HPSE2: variants seen among roughly 807,000 people sequenced by gnomAD.
The protein encoded by HPSE2 is heparanase 2 (inactive).
A neutral mutation model predicts 60.5 loss-of-function variants in HPSE2; 38 were observed. The observed-to-expected ratio is 0.63, with a 90% CI of 0.48 to 0.82. HPSE2 has a LOEUF of 0.82. HPSE2 is among the 40% of genes least tolerant of loss of function. HPSE2 has a pLI of 0.00. For synonymous variants in HPSE2, 295 were observed against 293.2 expected (o/e 1.01, Z -0.06); for missense variants, 713 against 740.4 (o/e 0.96, Z 0.43).
intron 2 of HPSE2, among the ~76,000 whole-genome samples, chr10:99,211,168 G>T (rs780174587): frequency 6.6e-6 from 1 of 151,412 alleles, no homozygotes; most frequent in Non-Finnish European, 1.5e-5. Context: ...ATTTATAATA[G>T]CTTTTACAAA....
chr10:98,630,004 A>G (rs769978564), intron 7 of HPSE2, among the ~76,000 whole-genome samples: 3 of 152,062 alleles, frequency 2.0e-5, no homozygotes, highest in Admixed American at 6.6e-5. Context: ...GACACGATAA[A>G]ATAAAGTTGA....
intron 2 of HPSE2, among the ~76,000 whole-genome samples, chr10:99,213,130 C>G (rs1417067670): frequency 6.6e-6 from 1 of 151,898 alleles, no homozygotes. Flanking sequence ...TCATTATACT[C>G]GAACTAAAAG....
intron 11 of HPSE2, among the ~76,000 whole-genome samples, chr10:98,479,414 TGAA>T (rs1941147503): frequency 6.6e-6 from 1 of 152,212 alleles, no homozygotes; most frequent in African/African-American, 2.4e-5. Flanking sequence ...CACCAAAGGC[TGAA>T]ATCACTTCCT....
chr10:98,645,986 AAAAC>A (rs1005804252), intron 6 of HPSE2, among the ~76,000 whole-genome samples: 6 of 152,294 alleles, frequency 3.9e-5, no homozygotes, highest in East Asian at 1.9e-4. Flanking sequence ...AAACAAAACA[AAAAC>A]AAACAAACAA....
chr10:98,897,153 G>T (rs1369622315), intron 3 of HPSE2, among the ~76,000 whole-genome samples: 1 of 152,058 alleles, frequency 6.6e-6, no homozygotes, highest in Non-Finnish European at 1.5e-5. Context: ...AAAGGCATAA[G>T]AATTATATAA....
intron 3 of HPSE2, among the ~76,000 whole-genome samples, chr10:99,023,330 A>G (rs1267523444): frequency 6.6e-6 from 1 of 152,258 alleles, no homozygotes; most frequent in Admixed American, 6.5e-5. Flanking sequence ...CAGCCACAGT[A>G]CAATAGAACA....
the HPSE2 span, among the ~76,000 whole-genome samples, chr10:99,283,639 CA>C: frequency 3.8e-4 from 57 of 151,734 alleles, 2 homozygotes; most frequent in Admixed American, 9.8e-4. Flanking sequence ...AGAGAAGACC[CA>C]AATTACTCAA....
intron 3 of HPSE2, among the ~76,000 whole-genome samples, chr10:99,071,057 CTATTTT>C (rs1477508690): frequency 6.7e-6 from 1 of 148,964 alleles, no homozygotes; most frequent in East Asian, 2.0e-4. Flanking sequence ...TATGGTATTT[CTATTTT>C]TAATTCTTTT....
chr10:98,601,437 A>G (rs1945422857), intron 9 of HPSE2, among the ~76,000 whole-genome samples: 1 of 152,170 alleles, frequency 6.6e-6, no homozygotes, highest in African/African-American at 2.4e-5. Context: ...TGGCATACTC[A>G]GTGTAAATCT....
chr10:98,771,058 G>A (rs947836132), intron 3 of HPSE2, among the ~76,000 whole-genome samples: 4 of 152,104 alleles, frequency 2.6e-5, no homozygotes, highest in South Asian at 2.1e-4. Flanking sequence ...GCAGGCTACC[G>A]CAAAATTATA....
chr10:99,067,704 T>C (rs1842659595), intron 3 of HPSE2, among the ~76,000 whole-genome samples: 1 of 152,188 alleles, frequency 6.6e-6, no homozygotes, highest in Non-Finnish European at 1.5e-5. Context: ...TTTTCCCTCC[T>C]AGGCCTCTGG....
intron 3 of HPSE2, among the ~76,000 whole-genome samples, chr10:99,135,709 A>T (rs1388470411): frequency 6.6e-6 from 1 of 152,256 alleles, no homozygotes; most frequent in Admixed American, 6.5e-5. Flanking sequence ...CAGTGTGTAC[A>T]GAGAAATTTA....
At chr10:99,218,713 T>C (rs1849216485) in intron 2 of HPSE2, among the ~76,000 whole-genome samples, 1 of 152,230 alleles carries the variant, frequency 6.6e-6, no homozygotes, top group Non-Finnish European at 1.5e-5. Context: ...GCCATTCATT[T>C]GCTTCTACAA....
chr10:99,128,453 A>G (rs1338125324), intron 3 of HPSE2, among the ~76,000 whole-genome samples: 2 of 152,198 alleles, frequency 1.3e-5, no homozygotes, highest in Non-Finnish European at 2.9e-5. Context: ...GATAGACTGA[A>G]TAAAGAAAAT....
At chr10:98,649,540 AT>A in intron 6 of HPSE2, among the ~76,000 whole-genome samples, 1 of 152,296 alleles carries the variant, frequency 6.6e-6, no homozygotes, top group Middle Eastern at 3.4e-3. Context: ...ATCAAGTAAA[AT>A]TGTTTTTCAA....
chr10:98,898,048 C>A (rs181294057), intron 3 of HPSE2, among the ~76,000 whole-genome samples: 1 of 152,010 alleles, frequency 6.6e-6, no homozygotes, highest in African/African-American at 2.4e-5. Context: ...TATGAACAGA[C>A]ACCGTATCAA....
intron 3 of HPSE2, among the ~76,000 whole-genome samples, chr10:98,950,459 G>T (rs1489217191): frequency 6.6e-6 from 1 of 152,068 alleles, no homozygotes; most frequent in Non-Finnish European, 1.5e-5. Flanking sequence ...TACATTAGAA[G>T]GTACCCAGTA....
chr10:99,239,418 G>GTTTTTTT (rs760549054), upstream of HPSE2, among the ~76,000 whole-genome samples: 4 of 100,412 alleles, frequency 4.0e-5, no homozygotes, highest in Non-Finnish European at 8.1e-5. Flanking sequence ...GTTTGTCAAG[G>GTTTTTTT]TTTTTTTTTT....
chr10:98,479,500 C>G (rs74156616), intron 11 of HPSE2, among the ~76,000 whole-genome samples: 2,666 of 152,312 alleles, frequency 0.018, 99 homozygotes, highest in African/African-American at 0.059. Flanking sequence ...ACCCCCATCG[C>G]AGACCACTCA....
Sources: allele counts gnomAD v4.1 joint callset (sites outside exome capture counted in the v4.1 genomes callset), GRCh38; gene constraint gnomAD v4.1.1; transcripts MANE v1.5; gene names NCBI Gene and HGNC (gene_info 2026-07-23, HGNC 2026-07-21).